Variants in CNTD1 observed in about 807,000 individuals in gnomAD.
CNTD1 encodes the protein cyclin N-terminal domain-containing protein 1.
In CNTD1, 17 loss-of-function variants were observed where a neutral mutation model predicts 36.3. That is an observed-to-expected ratio of 0.47 (90% CI 0.32 to 0.70). CNTD1 has a LOEUF of 0.70. Among genes scored for constraint, CNTD1 ranks in the 30% least tolerant of loss-of-function variants. The probability of loss-of-function intolerance (pLI) is 0.03; values close to 1 mark genes in which losing one functional copy is unlikely to be tolerated. For synonymous variants in CNTD1, 128 were observed against 153.3 expected (o/e 0.83, Z 1.22); for missense variants, 338 against 386.1 (o/e 0.88, Z 1.04).
intron 1 of CNTD1, among the ~76,000 whole-genome samples, chr17:42,800,570 G>A (rs1200280679): frequency 6.6e-6 from 1 of 152,102 alleles, no homozygotes; most frequent in Admixed American, 6.6e-5. Context: ...GACATTGAAG[G>A]TTTTTAAATA....
Position 42,798,930 on chromosome 17 carries a change from TC to T in CNTD1, c.-136del. ...CGAGGCTGTGGTGGTAATTGGGTTT[TC>T]CTCAGACTTGAGGCGACGACACACT... On this transcript the variant is annotated 5_prime_UTR_variant, in exon 1 of 7. Transcript: ENST00000588408. 6.9e-7 allele frequency: 1 copy of T among 1,454,478 alleles called. No homozygotes were observed. The highest frequency in any genetic ancestry group is 9.0e-7 in the Non-Finnish European group (1 of 1,106,428). The allele number at this position is 1,454,478 out of a possible 1,614,324, so 90.1% of individuals were successfully genotyped here.
In CNTD1 at chr17:42,809,570, C is replaced by T. The variant is rs767035088; in HGVS notation, c.*35C>T. 29 of 1,583,050 alleles carry T rather than the reference C, an allele frequency of 1.8e-5. No homozygotes were observed. The highest frequency in any genetic ancestry group is 1.1e-4 in the East Asian group (5 of 44,558). On this transcript the variant is annotated 3_prime_UTR_variant, in exon 7 of 7. Coordinates refer to ENST00000588408, the MANE Select transcript of CNTD1 (RefSeq NM_173478.3). ...AATCCACCAAATATAAACAGCCATC[C>T]GTCACTGCACTCATGCCTCCCTCTG... is the stretch of plus-strand genomic sequence containing the variant.
Position 42,809,754 on chromosome 17 carries a change from G to A in CNTD1, c.*219G>A. 1 of 488,802 alleles carries A rather than the reference G, an allele frequency of 2.0e-6. No individual in the cohort carries two copies. Among genetic ancestry groups the A allele is most frequent in the Non-Finnish European group, 3.6e-6 (1 of 275,778 alleles). The allele number at this position is 488,802 out of a possible 1,614,324, so 30.3% of individuals were successfully genotyped here. ...TGAAAATGTTAAAAAGCTAGGTGGA[G>A]ACAGATTAGTTGTTTCATTTTTGTT... is the stretch of plus-strand genomic sequence containing the variant. On this transcript the variant is annotated 3_prime_UTR_variant, in exon 7 of 7. Coordinates refer to ENST00000588408, the MANE Select transcript of CNTD1 (RefSeq NM_173478.3).
intron 4 of CNTD1, 59 bp downstream of exon 4, chr17:42,805,943 G>A: frequency 1.3e-6 from 2 of 1,486,034 alleles, no homozygotes; most frequent in African/African-American, 1.4e-5. Context: ...AATACAAAAT[G>A]TGCATGGGGG....
At chr17:42,801,510 A>AAATAT (rs1289580717) in intron 1 of CNTD1, among the ~76,000 whole-genome samples, 16 of 54,344 alleles carry the variant, frequency 2.9e-4, no homozygotes, top group Admixed American at 5.5e-4. Flanking sequence ...AAAAAAAAAA[A>AAATAT]ATATATATAT....
Position 42,810,133 on chromosome 17 carries a change from G to T in CNTD1, c.*598G>T. Reference sequence around the variant, plus strand: ...GAAAAACCCAACAGTGCACCCCTGGGCAGTTTTCAGACTGCAGCAAATCTT... The same window carrying T: ...GAAAAACCCAACAGTGCACCCCTGGTCAGTTTTCAGACTGCAGCAAATCTT... On this transcript the variant is annotated 3_prime_UTR_variant, in exon 7 of 7. Coordinates refer to ENST00000588408, the MANE Select transcript of CNTD1 (RefSeq NM_173478.3). 1 of 152,334 alleles carries T rather than the reference G, an allele frequency of 6.6e-6. No homozygotes were observed. The allele number at this position is 152,334 out of a possible 1,614,324, so 9.4% of individuals were successfully genotyped here.
At chr17:42,804,938 A>G (rs79100476) in intron 3 of CNTD1, among the ~76,000 whole-genome samples, 4,293 of 152,224 alleles carry the variant, frequency 0.028, 207 homozygotes, top group African/African-American at 0.096. Context: ...ACGCACACAC[A>G]TGATCTTTCT....
Position 42,799,131 on chromosome 17 carries a change from A to C in CNTD1, c.64A>C (p.Thr22Pro). 1 of 1,614,032 alleles carries C rather than the reference A, an allele frequency of 6.2e-7. No individual in the cohort carries two copies. The highest frequency in any genetic ancestry group is 1.7e-5 in the Admixed American group (1 of 60,018). The change falls in exon 1 of 7, where the codon ACA becomes CCA. Residue 22 changes from threonine (T) to proline (P), a missense_variant. By Grantham distance (38) the Thr-to-Pro change is conservative. Coordinates refer to ENST00000588408, the MANE Select transcript of CNTD1 (RefSeq NM_173478.3). ...LVDFQFGVVA[T>P]ETIEDALLHL... ...TGACTTTCAGTTTGGAGTTGTCGCC[A>C]CAGAGACGATTGAAGACGCCCTGCT...
At chr17:42,809,292 G>A in intron 6 of CNTD1, 73 bp from the exon 7 acceptor site, 1 of 1,357,492 alleles carries the variant, frequency 7.4e-7, no homozygotes, top group Non-Finnish European at 1.0e-6. Context: ...AACATCCCAA[G>A]TAATGTGTGT....
intron 1 of CNTD1, among the ~76,000 whole-genome samples, chr17:42,803,277 G>A (rs1011783749): frequency 6.6e-6 from 1 of 152,236 alleles, no homozygotes; most frequent in Non-Finnish European, 1.5e-5. Flanking sequence ...CCTTGAAGCT[G>A]GGGGTTCCCA....
At position 42,809,531 on chromosome 17, in the gene CNTD1, C is replaced by T; in HGVS notation, c.989C>T (p.Thr330Ile). 6.2e-7 allele frequency: 1 copy of T among 1,613,754 alleles called. No individual in the cohort carries two copies. The highest frequency in any genetic ancestry group is 1.7e-5 in the Admixed American group (1 of 59,988). Residue 330 changes from threonine to isoleucine, a missense_variant, in exon 7 of 7, where the codon ACA (threonine) becomes ATA (isoleucine). Thr to Ile is a moderately conservative substitution (Grantham distance 89). Coordinates refer to ENST00000588408, the MANE Select transcript of CNTD1 (RefSeq NM_173478.3). Reference sequence around the variant, plus strand: ...CTGAAGACTGTTGCTTCCTCTAACACATGAGGGAGGCTGAATCCACCAAAT... The same window carrying T: ...CTGAAGACTGTTGCTTCCTCTAACATATGAGGGAGGCTGAATCCACCAAAT... ...RALKTVASSN[T>I]
At chr17:42,799,845 C>T (rs1254012791) in intron 1 of CNTD1, among the ~76,000 whole-genome samples, 1 of 141,524 alleles carries the variant, frequency 7.1e-6, no homozygotes, top group East Asian at 2.2e-4. Flanking sequence ...GCGGGCAGAT[C>T]ACGAGGTCAG....
At chr17:42,808,670 G>A (rs2054926266) in intron 6 of CNTD1, among the ~76,000 whole-genome samples, 1 of 151,264 alleles carries the variant, frequency 6.6e-6, no homozygotes, top group Non-Finnish European at 1.5e-5. Flanking sequence ...GGAGTTGGAG[G>A]CTGCAGTGAG....
At chr17:42,808,552 TTA>T (rs2054921610) in intron 6 of CNTD1, among the ~76,000 whole-genome samples, 1 of 128,232 alleles carries the variant, frequency 7.8e-6, no homozygotes, top group African/African-American at 3.0e-5. Context: ...CCCCATCTCA[TTA>T]AAAAAAAAAA....
At chr17:42,800,493 A>G (rs1306135205) in intron 1 of CNTD1, among the ~76,000 whole-genome samples, 1 of 152,170 alleles carries the variant, frequency 6.6e-6, no homozygotes, top group Non-Finnish European at 1.5e-5. Context: ...TAGTTTGGAG[A>G]CATTCCATGT....
intron 3 of CNTD1, chr17:42,805,265 A>G (rs2054859810): frequency 6.4e-6 from 1 of 156,232 alleles, no homozygotes; most frequent in African/African-American, 2.4e-5. Flanking sequence ...AACAGTACAA[A>G]TATTGTCTGT....
intron 2 of CNTD1, 146 bp from the exon 3 acceptor site, chr17:42,804,078 AT>A (rs1332420462): frequency 1.5e-6 from 1 of 654,834 alleles, no homozygotes; most frequent in Non-Finnish European, 2.5e-6. Context: ...GGCTCAAGTC[AT>A]CTGCCTGCCT....
intron 1 of CNTD1, among the ~76,000 whole-genome samples, chr17:42,800,835 G>A (rs1416939217): frequency 3.3e-5 from 5 of 152,166 alleles, no homozygotes; most frequent in African/African-American, 7.2e-5. Flanking sequence ...GGAGGAAAAC[G>A]TGACTATGCT....
chr17:42,807,922 A>G (rs768357841), intron 6 of CNTD1, 58 bp downstream of exon 6: 2 of 1,327,566 alleles, frequency 1.5e-6, no homozygotes, highest in Non-Finnish European at 2.2e-6. Context: ...AAAGCATTTC[A>G]CCCATCAGTT....
Sources: gnomAD v4.1 joint callset for allele counts (sites outside exome capture counted in the v4.1 genomes callset) on GRCh38, gnomAD v4.1.1 for gene constraint, MANE v1.5 for transcripts, NCBI Gene and HGNC (gene_info 2026-07-23, HGNC 2026-07-21) for gene names.